PDE4B: variants seen among roughly 807,000 people sequenced by gnomAD.
PDE4B encodes the protein 3',5'-cyclic-AMP phosphodiesterase 4B.
Under a neutral mutation model 82.2 loss-of-function variants are expected in PDE4B, and 20 were observed. The ratio of observed to expected loss-of-function variants is 0.24; its 90% CI spans 0.17 to 0.35. PDE4B has a LOEUF of 0.35. PDE4B is among the 10% of genes least tolerant of loss of function. PDE4B has a pLI of 1.00. For synonymous variants in PDE4B, 320 were observed against 318.9 expected (o/e 1.00, Z -0.04); for missense variants, 655 against 907.2 (o/e 0.72, Z 3.57).
chr1:66,253,135 G>A (rs1653918676), intron 4 of PDE4B, among the ~76,000 whole-genome samples: 1 of 152,136 alleles, frequency 6.6e-6, no homozygotes, highest in African/African-American at 2.4e-5. Flanking sequence ...TGTTTGACAG[G>A]TAAAAATGTT....
In PDE4B at chr1:66,374,551, G is replaced by C. The variant is rs544675292; in HGVS notation, c.*1873G>C. The C allele has an allele frequency of 3.3e-5, 5 of 152,680 alleles. 1 individual carries two copies. Among genetic ancestry groups the C allele is most frequent in the Admixed American group, 3.3e-4 (5 of 15,292 alleles). The allele number at this position is 152,680 out of a possible 1,614,324, so 9.5% of individuals were successfully genotyped here. A position where few individuals can be genotyped will look rare whatever the true frequency, so the allele number is the denominator to read the frequency against. On this transcript the variant is annotated 3_prime_UTR_variant, in exon 17 of 17. Coordinates refer to ENST00000341517, the MANE Select transcript of PDE4B (RefSeq NM_002600.4). Reference sequence around the variant, plus strand: ...GCATTCTAAAGAGACTTTTATATGAGGTGAATAAAGAAAAGCATGATTAGA... The same window carrying C: ...GCATTCTAAAGAGACTTTTATATGACGTGAATAAAGAAAAGCATGATTAGA...
intron 3 of PDE4B, among the ~76,000 whole-genome samples, chr1:66,022,567 T>G (rs1195427710): frequency 6.6e-6 from 1 of 152,220 alleles, no homozygotes; most frequent in African/African-American, 2.4e-5. Flanking sequence ...GTGATAATCA[T>G]GTGGTTTTTG....
chr1:66,013,465 C>T (rs1652600656), intron 3 of PDE4B, among the ~76,000 whole-genome samples: 1 of 152,054 alleles, frequency 6.6e-6, no homozygotes, highest in Non-Finnish European at 1.5e-5. Context: ...TTTACTGATA[C>T]AGTTTTTTTA....
chr1:66,106,924 G>A (rs1230829914), intron 3 of PDE4B, among the ~76,000 whole-genome samples: 16 of 140,526 alleles, frequency 1.1e-4, no homozygotes, highest in African/African-American at 3.6e-4. Context: ...AGGGTTTTTT[G>A]TGTCTCTATT....
intron 3 of PDE4B, among the ~76,000 whole-genome samples, chr1:66,125,667 C>G (rs903027288): frequency 2.6e-5 from 4 of 152,224 alleles, no homozygotes; most frequent in African/African-American, 9.6e-5. Context: ...TTGCAGTTTC[C>G]AAGAACCTAT....
intron 3 of PDE4B, among the ~76,000 whole-genome samples, chr1:66,188,327 G>C (rs1377567372): frequency 6.6e-6 from 1 of 150,844 alleles, no homozygotes; most frequent in Non-Finnish European, 1.5e-5. Context: ...TTGGGGTGGA[G>C]AGTTCTGTAG....
rs568684343 is a variant in PDE4B at position 66,020,836 on chromosome 1, C to T, written c.281+102001C>T. Among the ~76,000 whole-genome samples the T allele has an allele frequency of 1.0e-3, 152 of 152,190 alleles. 1 individual carries two copies. Among genetic ancestry groups the T allele is most frequent in the African/African-American group, 3.1e-3 (128 of 41,528 alleles). ...AATCCTTTGGGTATATGCCCAGTAA[C>T]GGGATGGCTGGGTCAAATGGTATTT... On this transcript the variant is annotated intron_variant, in intron 3 of 16. Coordinates refer to ENST00000341517, the MANE Select transcript of PDE4B (RefSeq NM_002600.4).
chr1:66,304,010 G>A (rs745655403), intron 7 of PDE4B, among the ~76,000 whole-genome samples: 120 of 152,118 alleles, frequency 7.9e-4, no homozygotes, highest in Non-Finnish European at 8.5e-4. Context: ...ATAGAATATC[G>A]TAAATATGGT....
At chr1:65,995,371 T>C (rs1569917121) in intron 3 of PDE4B, among the ~76,000 whole-genome samples, 1 of 152,336 alleles carries the variant, frequency 6.6e-6, no homozygotes, top group East Asian at 1.9e-4. Context: ...AAAATAGACA[T>C]GTATCTTACA....
intron 9 of PDE4B, 116 bp downstream of exon 9, chr1:66,355,736 T>A (rs1434235348): frequency 1.7e-5 from 9 of 538,052 alleles, no homozygotes; most frequent in Non-Finnish European, 3.0e-5. Context: ...CATAGAAAAA[T>A]CCATTTAAAA....
At position 66,141,326 on chromosome 1, in the gene PDE4B, G is replaced by T. The variant is rs1039354150; in HGVS notation, c.282-106134G>T. The stretch of plus-strand genomic sequence containing the variant: ...CAGCAGTGCAGATAGAAAGCTTTGA[G>T]AATATATATATATATATATATATAT... On this transcript the variant is annotated intron_variant, in intron 3 of 16. Transcript: ENST00000341517. Among the ~76,000 whole-genome samples, 162 of 39,768 alleles carry T rather than the reference G, an allele frequency of 4.1e-3. 1 individual carries two copies. The highest frequency in any genetic ancestry group is 0.023 in the African/African-American group (153 of 6,738). The allele number at this position is 39,768 out of a possible 152,430, so 26.1% of individuals were successfully genotyped here. A position where few individuals can be genotyped will look rare whatever the true frequency, so the allele number is the denominator to read the frequency against.
chr1:66,074,340 A>C (rs1242391884), intron 3 of PDE4B, among the ~76,000 whole-genome samples: 1 of 152,134 alleles, frequency 6.6e-6, no homozygotes, highest in East Asian at 1.9e-4. Flanking sequence ...CCTTTCTAAT[A>C]GTGCTGATTA....
intron 1 of PDE4B, among the ~76,000 whole-genome samples, chr1:65,899,307 A>T (rs1014213243): frequency 2.4e-4 from 37 of 151,900 alleles, no homozygotes; most frequent in African/African-American, 8.9e-4. Context: ...AATAAAAAAA[A>T]TAAAAAATAA....
chr1:66,201,019 C>A (rs1303181458), intron 3 of PDE4B, among the ~76,000 whole-genome samples: 15 of 152,134 alleles, frequency 9.9e-5, no homozygotes, highest in Non-Finnish European at 4.4e-5. Flanking sequence ...AGATACATCC[C>A]ATCAATACCT....
At chr1:65,938,317 G>A (rs1176913835) in intron 3 of PDE4B, among the ~76,000 whole-genome samples, 2 of 152,146 alleles carry the variant, frequency 1.3e-5, no homozygotes, top group Non-Finnish European at 2.9e-5. Flanking sequence ...GTCACCTTAG[G>A]TAGAATCTGA....
chr1:65,989,750 T>C (rs888477692), intron 3 of PDE4B, among the ~76,000 whole-genome samples: 1 of 152,198 alleles, frequency 6.6e-6, no homozygotes, highest in Non-Finnish European at 1.5e-5. Context: ...TTCTCCTGGC[T>C]GTCTCTCTCA....
intron 7 of PDE4B, among the ~76,000 whole-genome samples, chr1:66,285,880 G>A (rs1656643694): frequency 1.3e-5 from 2 of 152,024 alleles, no homozygotes; most frequent in African/African-American, 4.8e-5. Context: ...GCCAAACTAG[G>A]GTAAGGCTCC....
Position 66,180,825 on chromosome 1 carries a change from G to T in PDE4B, c.282-66635G>T, listed in dbSNP as rs528918791. On this transcript the variant is annotated intron_variant, in intron 3 of 16. Coordinates refer to ENST00000341517, the MANE Select transcript of PDE4B (RefSeq NM_002600.4). ...GATAGCTTGATTTACTCTGTGGACT[G>T]AGAGAGAGAGAGAGAATGTGTGTAT... Among the ~76,000 whole-genome samples, 13 of 150,272 alleles carry T rather than the reference G, an allele frequency of 8.7e-5. No individual in the cohort carries two copies. In the South Asian group the frequency reaches 2.7e-3, roughly 32 times the overall value.
chr1:65,834,933 C>T (rs1013689685), intron 1 of PDE4B, among the ~76,000 whole-genome samples: 1 of 152,144 alleles, frequency 6.6e-6, no homozygotes, highest in African/African-American at 2.4e-5. Context: ...AGCCTCATCC[C>T]TGGAGAACTG....
Sources: gnomAD v4.1 joint callset for allele counts (sites outside exome capture counted in the v4.1 genomes callset) on GRCh38, gnomAD v4.1.1 for gene constraint, MANE v1.5 for transcripts, NCBI Gene and HGNC (gene_info 2026-07-23, HGNC 2026-07-21) for gene names.